ANKRD26: variants seen among roughly 807,000 people sequenced by gnomAD.
ANKRD26 encodes ankyrin repeat domain-containing protein 26.
A neutral mutation model predicts 208.7 loss-of-function variants in ANKRD26; 141 were observed. The observed-to-expected ratio is 0.68, with a 90% CI of 0.59 to 0.78. The LOEUF (loss-of-function observed/expected upper bound fraction) is 0.78. Among genes scored for constraint, ANKRD26 ranks in the 30% least tolerant of loss-of-function variants. ANKRD26 has a pLI of 0.00. For missense variants in ANKRD26, 1,889 were observed against 1,938.7 expected (o/e 0.97, Z 0.48); for synonymous variants, 636 against 660.4 (o/e 0.96, Z 0.57).
chr10:27,018,914 G>A (rs1199909159), intron 29 of ANKRD26, among the ~76,000 whole-genome samples: 1 of 152,124 alleles, frequency 6.6e-6, no homozygotes, highest in Non-Finnish European at 1.5e-5. Flanking sequence ...ATTGCTTCAG[G>A]ACATTGGTCT....
At position 27,037,950 on chromosome 10, in the gene ANKRD26, A is replaced by G. The variant is rs199850300; in HGVS notation, c.2480T>C (p.Val827Ala). Residue 827 changes from valine (V) to alanine (A), a missense_variant, in exon 22 of 34, where the codon GTT becomes GCT. Physicochemically the swap from Val to Ala is moderately conservative, Grantham distance 64. Around this residue, in one of 3 missense-constraint regions of ANKRD26, gnomAD observed 1,272 missense variants for 1,273.8 expected, o/e 1.00. Transcript: ENST00000376087. ...CAGTTCAAGCTGTTGTTTCACTTCA[A>G]CTTCTTTCCTATATTGCTCTTCTTT... ...RRKEEQYRKE[V>A]EVKQQLELSL... 9 of 1,613,176 alleles carry G rather than the reference A, an allele frequency of 5.6e-6. No individual in the cohort carries two copies. The highest frequency in any genetic ancestry group is 1.1e-5 in the South Asian group (1 of 90,998).
In ANKRD26 at chr10:27,100,332, A is replaced by G. The variant is rs925257194; in HGVS notation, c.-6T>C. ...TTACTAAAAATCTTCTTCATGGCCCAGGCGACCGGGCTTCAGAGACACCTC... is the reference window on the plus strand; with the variant it reads ...TTACTAAAAATCTTCTTCATGGCCCGGGCGACCGGGCTTCAGAGACACCTC... On this transcript the variant is annotated 5_prime_UTR_variant, in exon 1 of 34. Coordinates refer to ENST00000376087, the MANE Select transcript of ANKRD26 (RefSeq NM_014915.3). The G allele has an allele frequency of 1.2e-6, 2 of 1,606,174 alleles. No individual in the cohort carries two copies. Among genetic ancestry groups the G allele is most frequent in the Non-Finnish European group, 1.7e-6 (2 of 1,179,778 alleles).
the ANKRD26 span, among the ~76,000 whole-genome samples, chr10:26,951,013 C>CTTTTTTTTTTTTTTTTTTTTTTTTTTT: frequency 2.0e-4 from 20 of 100,926 alleles, no homozygotes; most frequent in African/African-American, 9.6e-4. Flanking sequence ...CTTTTCTTTT[C>CTTTTTTTTTTTTTTTTTTTTTTTTTTT]TTTTTCTTTT....
chr10:27,061,138 C>T lies in ANKRD26; in HGVS notation c.1462+6G>A. On this transcript the variant is annotated splice_donor_region_variant and intron_variant, in intron 13 of 33. Coordinates refer to ENST00000376087, the MANE Select transcript of ANKRD26 (RefSeq NM_014915.3). The stretch of plus-strand genomic sequence containing the variant: ...GTTAACAAAAATACGCATTTTTTTT[C>T]CATACCCATGTGGGCTACTGGCATG... The T allele has an allele frequency of 1.3e-6, 2 of 1,589,280 alleles. No individual in the cohort carries two copies. Among genetic ancestry groups the T allele is most frequent in the Non-Finnish European group, 1.7e-6 (2 of 1,158,172 alleles).
At chr10:27,048,468 GTTA>G (rs1256302441) in intron 17 of ANKRD26, among the ~76,000 whole-genome samples, 1 of 152,132 alleles carries the variant, frequency 6.6e-6, no homozygotes, top group Non-Finnish European at 1.5e-5. Context: ...AAGTGAAGCT[GTTA>G]GGTTAAAGAT....
In ANKRD26 at chr10:27,100,396, A is replaced by T; in HGVS notation, c.-70T>A. On this transcript the variant is annotated 5_prime_UTR_variant, in exon 1 of 34. The change abolishes an upstream ATG in the 5' untranslated region. Transcript: ENST00000376087. Reference sequence around the variant, plus strand: ...CTCTTAACGGCCTCCGGAGCCCAACATAACAAGTCAGCCCCGGCTGGCCGC... The same window carrying T: ...CTCTTAACGGCCTCCGGAGCCCAACTTAACAAGTCAGCCCCGGCTGGCCGC... The T allele has an allele frequency of 6.3e-7, 1 of 1,590,368 alleles. No homozygotes were observed.
At chr10:26,971,624 C>T (rs574182605), downstream of ANKRD26, among the ~76,000 whole-genome samples, 3 of 145,068 alleles carry the variant, frequency 2.1e-5, no homozygotes, top group Non-Finnish European at 3.0e-5. Context: ...TGCAGTGAGC[C>T]GAGACCACAC....
intron 11 of ANKRD26, among the ~76,000 whole-genome samples, chr10:27,065,859 C>CTTTTTTTTTT (rs767106612): frequency 6.9e-5 from 5 of 72,960 alleles, no homozygotes; most frequent in Admixed American, 2.2e-4. Context: ...ATAATTCTTT[C>CTTTTTTTTTT]TTTTTTTTTT....
At chr10:27,048,340 T>A (rs75044718) in intron 17 of ANKRD26, among the ~76,000 whole-genome samples, 1,763 of 152,280 alleles carry the variant, frequency 0.012, 38 homozygotes, top group African/African-American at 0.04. Flanking sequence ...ATTTAACATG[T>A]TATACATATA....
chr10:27,057,464 G>A (rs2054877176), intron 15 of ANKRD26, among the ~76,000 whole-genome samples: 1 of 152,050 alleles, frequency 6.6e-6, no homozygotes, highest in Non-Finnish European at 1.5e-5. Flanking sequence ...ACCATTTTAG[G>A]TTTAAATATG....
chr10:27,061,113 G>T, intron 13 of ANKRD26, 31 bp downstream of exon 13: 1 of 1,453,724 alleles, frequency 6.9e-7, no homozygotes, highest in Non-Finnish European at 9.7e-7. Context: ...TAGAATAACA[G>T]TTAACAAAAA....
At chr10:27,085,351 G>A (rs34031905) in intron 5 of ANKRD26, among the ~76,000 whole-genome samples, 12,108 of 151,928 alleles carry the variant, frequency 0.08, 695 homozygotes, top group East Asian at 0.28. Flanking sequence ...CACCCGCCTC[G>A]GCCTCTCAAA....
chr10:27,067,813 A>G (rs545870664), intron 9 of ANKRD26, among the ~76,000 whole-genome samples: 1 of 152,322 alleles, frequency 6.6e-6, no homozygotes, highest in East Asian at 1.9e-4. Context: ...ACACACTTCC[A>G]AACTATACCA....
chr10:27,051,170 T>C, intron 16 of ANKRD26: 1 of 1,290,108 alleles, frequency 7.8e-7, no homozygotes, highest in Non-Finnish European at 1.0e-6. Context: ...CTTTTAGAGA[T>C]ACTTTTGATG....
In ANKRD26 at chr10:27,014,709, T is replaced by A. The variant is rs1179379413; in HGVS notation, c.4509A>T (p.Ala1503=). Residue 1503 remains alanine, a splice_region_variant and synonymous_variant, in exon 31 of 34, where the codon GCA becomes GCT. Coordinates refer to ENST00000376087, the MANE Select transcript of ANKRD26 (RefSeq NM_014915.3). Reference sequence around the variant, plus strand: ...CTAAGTTTTCTTGAGATGCTGCTTGTGCCTAAAACAAATTAAAAGCATATG... The same window carrying A: ...CTAAGTTTTCTTGAGATGCTGCTTGAGCCTAAAACAAATTAAAAGCATATG... ...KLKEVNLFLQ[A]QAASQENLEQ... The A allele has an allele frequency of 6.2e-7, 1 of 1,611,472 alleles. No individual in the cohort carries two copies. Among genetic ancestry groups the A allele is most frequent in the African/African-American group, 1.3e-5 (1 of 74,970 alleles).
At chr10:27,073,727 T>C (rs985891442) in intron 9 of ANKRD26, among the ~76,000 whole-genome samples, 3 of 152,196 alleles carry the variant, frequency 2.0e-5, no homozygotes, top group Non-Finnish European at 2.9e-5. Flanking sequence ...AAAAATGTTT[T>C]AGGAAACAGA....
At chr10:27,008,326 C>T (rs144033502) in intron 32 of ANKRD26, among the ~76,000 whole-genome samples, 33 of 151,980 alleles carry the variant, frequency 2.2e-4, no homozygotes, top group African/African-American at 7.2e-4. Context: ...GTGACAATAA[C>T]ATTATAGATA....
chr10:27,084,061 A>G (rs12776164), intron 5 of ANKRD26, among the ~76,000 whole-genome samples: 12,477 of 152,018 alleles, frequency 0.082, 710 homozygotes, highest in East Asian at 0.28. Context: ...AAAAGTACAA[A>G]AAGTAGCCAG....
At chr10:26,948,542 A>G in the ANKRD26 span, among the ~76,000 whole-genome samples, 2 of 152,250 alleles carry the variant, frequency 1.3e-5, no homozygotes, top group African/African-American at 4.8e-5. Context: ...GGTAATAATG[A>G]TTATATACGT....
Sources: gnomAD v4.1 joint callset for allele counts (sites outside exome capture counted in the v4.1 genomes callset) on GRCh38, gnomAD v4.1.1 for gene constraint, gnomAD v4.1.1 regional missense constraint, MANE v1.5 for transcripts, NCBI Gene and HGNC (gene_info 2026-07-23, HGNC 2026-07-21) for gene names.